Variants in SMOC2 observed in about 807,000 individuals in gnomAD.
SMOC2 encodes the protein SPARC-related modular calcium-binding protein 2.
In SMOC2, 39 loss-of-function variants were observed where a neutral mutation model predicts 61.4. The ratio of observed to expected loss-of-function variants is 0.64; its 90% CI spans 0.49 to 0.83. The LOEUF (loss-of-function observed/expected upper bound fraction) is 0.83. SMOC2 is among the 40% of genes least tolerant of loss of function. The pLI, the probability that SMOC2 is intolerant of heterozygous loss-of-function variation, is 0.00. For synonymous variants in SMOC2, 247 were observed against 239.9 expected, an observed-to-expected ratio of 1.03 and a Z score of -0.27; for missense variants, 556 against 592.9, an observed-to-expected ratio of 0.94 and a Z score of 0.65.
rs142071500 is a variant in SMOC2 at position 168,488,835 on chromosome 6, G to A, written c.85-21080G>A. ...GAGGGAAATATATCGAATCATCTGG[G>A]TCCCCTTGCATCACACTGTTTTAGA... On this transcript the variant is annotated intron_variant, in intron 1 of 12. Transcript: ENST00000356284. Among the ~76,000 whole-genome samples, 719 of 142,344 alleles carry A rather than the reference G, an allele frequency of 5.1e-3. 3 individuals are homozygous for A. Among genetic ancestry groups the A allele is most frequent in the Middle Eastern group, 0.017 (4 of 240 alleles). 93.4% of individuals were successfully genotyped at this position (142,344 alleles called of 152,430 possible).
In SMOC2 at chr6:168,447,052, C is replaced by T. The variant is rs139672683; in HGVS notation, c.84+5598C>T. On this transcript the variant is annotated intron_variant, in intron 1 of 12. Transcript: ENST00000356284. ...ATATCTCTGCCCACTTTACGGTCTT[C>T]TTCCCCGTGGTCATCTATTTGTTTT... Among the ~76,000 whole-genome samples the T allele has an allele frequency of 5.6e-3, 847 of 152,218 alleles. 19 individuals are homozygous for T. Among genetic ancestry groups the T allele is most frequent in the Admixed American group, 0.016 (245 of 15,278 alleles).
intron 4 of SMOC2, among the ~76,000 whole-genome samples, chr6:168,536,911 GT>G: frequency 6.6e-6 from 1 of 152,360 alleles, no homozygotes; most frequent in Non-Finnish European, 1.5e-5. Flanking sequence ...GAGGACAGGT[GT>G]TGTGTGTGTC....
At chr6:168,536,161 C>T (rs570469339) in intron 4 of SMOC2, among the ~76,000 whole-genome samples, 28 of 152,330 alleles carry the variant, frequency 1.8e-4, no homozygotes, top group African/African-American at 5.1e-4. Context: ...CCCCACACTC[C>T]AAGCCCTGGG....
chr6:168,450,364 G>A (rs2114992588), intron 1 of SMOC2, among the ~76,000 whole-genome samples: 1 of 152,322 alleles, frequency 6.6e-6, no homozygotes, highest in Middle Eastern at 3.4e-3. Flanking sequence ...TTTGAATGAA[G>A]GCTGAGAGTT....
intron 9 of SMOC2, among the ~76,000 whole-genome samples, chr6:168,611,869 AGGC>A (rs1785878321): frequency 6.6e-6 from 1 of 152,092 alleles, no homozygotes; most frequent in African/African-American, 2.4e-5. Context: ...CAGGATGCCC[AGGC>A]GGCCGGCCAC....
At position 168,509,024 on chromosome 6, in the gene SMOC2, G is replaced by A. The variant is rs1023325413; in HGVS notation, c.85-891G>A. On this transcript the variant is annotated intron_variant, in intron 1 of 12. Transcript: ENST00000356284. Reference sequence around the variant, plus strand: ...GCTTCACCTTGGTGTCTGGTGTTTCGTCTGGCCTGATGGAGGCCTGGACGG... The same window carrying A: ...GCTTCACCTTGGTGTCTGGTGTTTCATCTGGCCTGATGGAGGCCTGGACGG... Among the ~76,000 whole-genome samples, 4 of 151,968 alleles carry A rather than the reference G, an allele frequency of 2.6e-5. No individual in the cohort carries two copies. In the South Asian group the frequency reaches 6.3e-4, roughly 24 times the overall value.
chr6:168,512,286 G>A (rs563502824), intron 2 of SMOC2, among the ~76,000 whole-genome samples: 2 of 152,244 alleles, frequency 1.3e-5, no homozygotes, highest in East Asian at 1.9e-4. Context: ...TGTTCTGCAC[G>A]GCGCATGCTT....
intron 1 of SMOC2, among the ~76,000 whole-genome samples, chr6:168,454,120 T>A (rs748955223): frequency 6.6e-6 from 1 of 152,122 alleles, no homozygotes; most frequent in Non-Finnish European, 1.5e-5. Flanking sequence ...CTGTCTCTGT[T>A]CTCCCAGGCT....
At chr6:168,528,316 A>AAG (rs1783504352) in intron 4 of SMOC2, among the ~76,000 whole-genome samples, 1 of 80,936 alleles carries the variant, frequency 1.2e-5, no homozygotes. Context: ...GATCATTTTT[A>AAG]TTTGAAAATA....
intron 2 of SMOC2, among the ~76,000 whole-genome samples, chr6:168,519,165 G>A (rs1460350770): frequency 4.0e-5 from 6 of 151,554 alleles, no homozygotes; most frequent in African/African-American, 7.3e-5. Context: ...GTGTGTATGC[G>A]TGCATGTGTG....
rs138984394 is a variant in SMOC2 at position 168,612,617 on chromosome 6, G to A, written c.907+4378G>A. The stretch of plus-strand genomic sequence containing the variant: ...AGCCTTTACTCAAACAGCAGCACTG[G>A]GTTCGTGATCTCCATCAGTCCTCAG... On this transcript the variant is annotated intron_variant, in intron 9 of 12. Coordinates refer to ENST00000356284, the MANE Select transcript of SMOC2 (RefSeq NM_001166412.2). 6.6e-3 allele frequency among the ~76,000 whole-genome samples: 1,009 copies of A among 152,312 alleles called. 6 individuals carry two copies. Among genetic ancestry groups the A allele is most frequent in the African/African-American group, 0.023 (954 of 41,552 alleles).
At chr6:168,665,676 A>C (rs1313816741) in intron 12 of SMOC2, among the ~76,000 whole-genome samples, 2 of 152,256 alleles carry the variant, frequency 1.3e-5, no homozygotes, top group East Asian at 3.8e-4. Flanking sequence ...TGAGACTGTT[A>C]GAATACTTTG....
chr6:168,450,695 G>T (rs536342469), intron 1 of SMOC2, among the ~76,000 whole-genome samples: 1 of 152,200 alleles, frequency 6.6e-6, no homozygotes, highest in African/African-American at 2.4e-5. Context: ...TTTCTCCACC[G>T]GGTTCTGTTT....
At chr6:168,551,342 A>G (rs1784123738) in intron 7 of SMOC2, among the ~76,000 whole-genome samples, 1 of 152,192 alleles carries the variant, frequency 6.6e-6, no homozygotes, top group Non-Finnish European at 1.5e-5. Flanking sequence ...GTAGATCTTG[A>G]AAACCATTGA....
At chr6:168,627,376 G>C (rs1786440966) in intron 9 of SMOC2, among the ~76,000 whole-genome samples, 2 of 152,132 alleles carry the variant, frequency 1.3e-5, no homozygotes, top group Admixed American at 1.3e-4. Context: ...TTTAATATCA[G>C]GAATTGGTAT....
rs552958221 is a variant in SMOC2, at chr6:168,475,518, T to G, written c.84+34064T>G. ...AGACGGGTGAGATGTTCTGTAAACC[T>G]GTGGCAGGCTGGGGAGAGGAGGCCA... is the stretch of plus-strand genomic sequence containing the variant. On this transcript the variant is annotated intron_variant, in intron 1 of 12. Transcript: ENST00000356284. This position sits in a 1 kb window ranked among gnomAD's most constrained non-coding sequence, Gnocchi z 4.6. Among the ~76,000 whole-genome samples, 22 of 152,156 alleles carry G rather than the reference T, an allele frequency of 1.4e-4. No individual in the cohort carries two copies. Among genetic ancestry groups the G allele is most frequent in the African/African-American group, 5.3e-4 (22 of 41,536 alleles).
At chr6:168,617,721 C>A (rs577344678) in intron 9 of SMOC2, among the ~76,000 whole-genome samples, 128 of 152,328 alleles carry the variant, frequency 8.4e-4, no homozygotes, top group Middle Eastern at 3.4e-3. Context: ...CAGATCTGGC[C>A]TGTATTGCTT....
rs1197987045 is a variant in SMOC2 at position 168,636,729 on chromosome 6, CT to C, written c.908-13951del. 1.1e-4 allele frequency among the ~76,000 whole-genome samples: 16 copies of C among 152,362 alleles called. No individual in the cohort carries two copies. In the East Asian group the frequency reaches 2.3e-3, roughly 22 times the overall value. ...CAGGAATTGGCTCACCTTGCTGTGA[CT>C]GCTGCGTGAGAACTGCTTGCTGCTC... On this transcript the variant is annotated intron_variant, in intron 9 of 12. Coordinates refer to ENST00000356284, the MANE Select transcript of SMOC2 (RefSeq NM_001166412.2).
chr6:168,611,198 A>G (rs773088675), intron 9 of SMOC2, among the ~76,000 whole-genome samples: 3 of 150,796 alleles, frequency 2.0e-5, no homozygotes, highest in Non-Finnish European at 1.5e-5. Context: ...GTTGGGCCCT[A>G]TGTGGCTCCC....
Sources: gnomAD v4.1 joint callset for allele counts (sites outside exome capture counted in the v4.1 genomes callset) on GRCh38, gnomAD v4.1.1 for gene constraint, Gnocchi (gnomAD v3.1) non-coding constraint, MANE v1.5 for transcripts, NCBI Gene and HGNC (gene_info 2026-07-23, HGNC 2026-07-21) for gene names.